CSMD1: variants seen among roughly 807,000 people sequenced by gnomAD.
The protein encoded by CSMD1 is CUB and sushi domain-containing protein 1.
In CSMD1, 213 loss-of-function variants were observed where a neutral mutation model predicts 417.5. The observed-to-expected ratio is 0.51, with a 90% confidence interval of 0.46 to 0.57. CSMD1 has a LOEUF of 0.57. Among genes scored for constraint, CSMD1 ranks in the 20% least tolerant of loss-of-function variants. The pLI, the probability that CSMD1 is intolerant of heterozygous loss-of-function variation, is 0.00. For synonymous variants in CSMD1, 2,862 were observed against 1,736.8 expected, an observed-to-expected ratio of 1.65 and a Z score of -16.11; for missense variants, 6,923 against 4,529.7, an observed-to-expected ratio of 1.53 and a Z score of -15.17.
intron 3 of CSMD1, among the ~76,000 whole-genome samples, chr8:4,317,867 C>T (rs984070710): frequency 6.6e-6 from 1 of 152,058 alleles, no homozygotes; most frequent in Non-Finnish European, 1.5e-5. Context: ...CGAATTTTGG[C>T]AGGATGAAAA....
At chr8:3,041,681 A>C (rs1382531320) in intron 50 of CSMD1, among the ~76,000 whole-genome samples, 1 of 152,226 alleles carries the variant, frequency 6.6e-6, no homozygotes, top group African/African-American at 2.4e-5. Flanking sequence ...TCTTTACTCA[A>C]GTATACATTT....
chr8:3,244,095 C>G (rs899589496), intron 26 of CSMD1, among the ~76,000 whole-genome samples: 2 of 152,214 alleles, frequency 1.3e-5, no homozygotes, highest in African/African-American at 2.4e-5. Context: ...ATCTAGTACA[C>G]AGATCACAAC....
At position 3,857,057 on chromosome 8, in the gene CSMD1, A is replaced by T. The variant is rs1804361561; in HGVS notation, c.819-103015T>A. The stretch of plus-strand genomic sequence containing the variant: ...ATATCGAGGGCTTCTTGTATATCCC[A>T]CACTTACTTCAGGAAAAAAAAAATT... On this transcript the variant is annotated intron_variant, in intron 5 of 69. Transcript: ENST00000635120. 2.0e-5 allele frequency among the ~76,000 whole-genome samples: 3 copies of T among 152,146 alleles called. No individual in the cohort carries two copies. The South Asian group carries it at 6.2e-4, about 32-fold the overall frequency.
At chr8:4,525,425 C>G (rs1796465880) in intron 2 of CSMD1, among the ~76,000 whole-genome samples, 1 of 152,160 alleles carries the variant, frequency 6.6e-6, no homozygotes, top group Non-Finnish European at 1.5e-5. Context: ...AATGGGAATG[C>G]TCTACTTTAA....
At position 3,878,716 on chromosome 8, in the gene CSMD1, C is replaced by T. The variant is rs528802448; in HGVS notation, c.818+119187G>A. Among the ~76,000 whole-genome samples the T allele has an allele frequency of 4.6e-5, 7 of 152,276 alleles. No homozygotes were observed. The South Asian group carries it at 1.2e-3, about 27-fold the overall frequency. On this transcript the variant is annotated intron_variant, in intron 5 of 69. Transcript: ENST00000635120. Reference sequence around the variant, plus strand: ...GTATGTCTGATGCTTCAGTGAGACACTGTGTCATGGGAAATATTAGACCCT... The same window carrying T: ...GTATGTCTGATGCTTCAGTGAGACATTGTGTCATGGGAAATATTAGACCCT...
intron 26 of CSMD1, among the ~76,000 whole-genome samples, chr8:3,241,805 T>G (rs913971185): frequency 3.4e-4 from 51 of 152,232 alleles, no homozygotes; most frequent in African/African-American, 1.2e-3. Flanking sequence ...AACTGCAACT[T>G]AGAAATATGT....
At chr8:3,767,583 G>A (rs1798347392) in intron 5 of CSMD1, among the ~76,000 whole-genome samples, 1 of 152,234 alleles carries the variant, frequency 6.6e-6, no homozygotes, top group East Asian at 1.9e-4. Flanking sequence ...CCAAATACGA[G>A]TGTGTGGATC....
chr8:3,240,148 A>T (rs2116963215), intron 26 of CSMD1, among the ~76,000 whole-genome samples: 1 of 152,138 alleles, frequency 6.6e-6, no homozygotes, highest in East Asian at 1.9e-4. Flanking sequence ...TTGGGTAAAA[A>T]GGCTACTCGG....
At chr8:3,319,137 C>T (rs1204032281) in intron 23 of CSMD1, among the ~76,000 whole-genome samples, 1 of 152,074 alleles carries the variant, frequency 6.6e-6, no homozygotes, top group East Asian at 1.9e-4. Flanking sequence ...AACTTCCTTG[C>T]TGAAAAGGCC....
chr8:3,627,127 T>C (rs1395989797), intron 7 of CSMD1, among the ~76,000 whole-genome samples: 1 of 152,178 alleles, frequency 6.6e-6, no homozygotes, highest in Non-Finnish European at 1.5e-5. Flanking sequence ...CCATTTGATG[T>C]AGTCACTCAA....
At chr8:3,156,153 C>T (rs1184925349) in intron 39 of CSMD1, among the ~76,000 whole-genome samples, 1 of 152,322 alleles carries the variant, frequency 6.6e-6, no homozygotes, top group African/African-American at 2.4e-5. Context: ...TTTAAAATAG[C>T]TAATGTTCAT....
chr8:3,917,551 T>C (rs150864788), intron 5 of CSMD1, among the ~76,000 whole-genome samples: 6 of 152,302 alleles, frequency 3.9e-5, no homozygotes, highest in Non-Finnish European at 8.8e-5. Context: ...TGGAATGCCT[T>C]TTTTGAAACT....
At chr8:2,967,163 A>C (rs1258900352) in intron 57 of CSMD1, among the ~76,000 whole-genome samples, 6 of 152,214 alleles carry the variant, frequency 3.9e-5, no homozygotes, top group Admixed American at 1.3e-4. Flanking sequence ...ATCTTCCTTT[A>C]TGTAATCACT....
chr8:4,925,580 T>A (rs1198786212), intron 1 of CSMD1, among the ~76,000 whole-genome samples: 15 of 151,440 alleles, frequency 9.9e-5, no homozygotes, highest in African/African-American at 2.9e-4. Flanking sequence ...GGAGTCTCGC[T>A]CTGTCTCCCA....
intron 5 of CSMD1, among the ~76,000 whole-genome samples, chr8:3,813,434 T>C (rs1287330523): frequency 6.6e-6 from 1 of 152,182 alleles, no homozygotes; most frequent in South Asian, 2.1e-4. Context: ...AGAACTATTT[T>C]AATTAAGTCT....
At chr8:3,229,938 T>C (rs1407292052) in intron 27 of CSMD1, 102 bp downstream of exon 27, 66 of 851,426 alleles carry the variant, frequency 7.8e-5, no homozygotes, top group Admixed American at 1.6e-4. Context: ...AAAGAAACTC[T>C]TGAGAAATAT....
chr8:3,506,794 C>A (rs1481169948), intron 10 of CSMD1, among the ~76,000 whole-genome samples: 2 of 152,160 alleles, frequency 1.3e-5, no homozygotes, highest in African/African-American at 4.8e-5. Flanking sequence ...ACTTCCTCCA[C>A]ACCTGGATTT....
At position 3,002,786 on chromosome 8, in the gene CSMD1, G is replaced by A. The variant is rs544850168; in HGVS notation, c.8030-2655C>T. On this transcript the variant is annotated intron_variant, in intron 52 of 69. Coordinates refer to ENST00000635120, the MANE Select transcript of CSMD1 (RefSeq NM_033225.6). The stretch of plus-strand genomic sequence containing the variant: ...ATCTGTGTACTCTAGAAATCAGGCA[G>A]CAAGCCTGACAGCCATGACTGTAAA... 4.6e-5 allele frequency among the ~76,000 whole-genome samples: 7 copies of A among 152,314 alleles called. No homozygotes were observed. In the East Asian group the frequency reaches 1.4e-3, roughly 29 times the overall value.
chr8:3,365,479 A>G (rs1809499148), intron 20 of CSMD1, among the ~76,000 whole-genome samples: 3 of 152,230 alleles, frequency 2.0e-5, no homozygotes, highest in Non-Finnish European at 4.4e-5. Flanking sequence ...GACTCTTGAA[A>G]AATGTGGGTT....
Sources: gnomAD v4.1 joint callset for allele counts (sites outside exome capture counted in the v4.1 genomes callset) on GRCh38, gnomAD v4.1.1 for gene constraint, MANE v1.5 for transcripts, NCBI Gene and HGNC (gene_info 2026-07-23, HGNC 2026-07-21) for gene names.